Variants in CLIC5 observed in about 807,000 individuals in gnomAD.
CLIC5 encodes chloride intracellular channel protein 5.
In CLIC5, 20 loss-of-function variants were observed where a neutral mutation model predicts 24.7. That is an observed-to-expected ratio of 0.81 (90% CI 0.57 to 1.18). The LOEUF is 1.18. Ranked by LOEUF, CLIC5 falls within the 50% of genes most tolerant of loss-of-function variation. The pLI is 0.00. For synonymous variants in CLIC5, 159 were observed against 135.6 expected (o/e 1.17, Z -1.20); for missense variants, 341 against 326.1 (o/e 1.05, Z -0.35).
At chr6:45,978,275 T>C (rs537218750) in intron 1 of CLIC5, among the ~76,000 whole-genome samples, 2 of 152,312 alleles carry the variant, frequency 1.3e-5, no homozygotes, top group East Asian at 1.9e-4. Context: ...GTGCTTTCCA[T>C]ATCCGAGAAC....
At chr6:45,923,796 G>A (rs989826861) in intron 4 of CLIC5, among the ~76,000 whole-genome samples, 3 of 152,204 alleles carry the variant, frequency 2.0e-5, no homozygotes, top group Non-Finnish European at 4.4e-5. Context: ...ATATTAAATA[G>A]TGGATTATAT....
At chr6:46,026,840 T>G (rs550522278) in intron 1 of CLIC5, among the ~76,000 whole-genome samples, 3 of 152,114 alleles carry the variant, frequency 2.0e-5, no homozygotes, top group African/African-American at 7.2e-5. Context: ...AAAATACAAT[T>G]GAAATAAAGC....
intron 1 of CLIC5, among the ~76,000 whole-genome samples, chr6:45,988,079 A>T (rs186619308): frequency 7.7e-4 from 117 of 152,330 alleles, no homozygotes; most frequent in Middle Eastern, 3.4e-3. Flanking sequence ...GGTAAGGGTG[A>T]GGCCTGAGGT....
the CLIC5 span, among the ~76,000 whole-genome samples, chr6:46,100,735 A>G: frequency 6.6e-6 from 1 of 152,232 alleles, no homozygotes; most frequent in East Asian, 1.9e-4. Context: ...GGGCCAAGGG[A>G]AAACTTCCAC....
chr6:46,059,879 A>G (rs1325540992), intron 1 of CLIC5, among the ~76,000 whole-genome samples: 2 of 152,124 alleles, frequency 1.3e-5, no homozygotes, highest in Non-Finnish European at 2.9e-5. Flanking sequence ...TGCTCAATAA[A>G]TGTTTGGTCA....
chr6:46,073,403 T>C (rs1762674327), intron 1 of CLIC5, among the ~76,000 whole-genome samples: 1 of 152,122 alleles, frequency 6.6e-6, no homozygotes, highest in African/African-American at 2.4e-5. Context: ...TCCACGAAAA[T>C]TGGTTTATAT....
intron 1 of CLIC5, among the ~76,000 whole-genome samples, chr6:46,061,896 C>T (rs1214524363): frequency 1.3e-5 from 2 of 152,030 alleles, no homozygotes; most frequent in South Asian, 2.1e-4. Flanking sequence ...GAATAAAGAC[C>T]CAGGGAAGAG....
chr6:46,000,855 G>A lies in CLIC5; in HGVS notation c.63+14625C>T, dbSNP rs150710751. ...CAATTCAAGGTGAGATTTGGGTGGG[G>A]ATGCAGAGCCAAACCATATCACAGA... is the stretch of plus-strand genomic sequence containing the variant. On this transcript the variant is annotated intron_variant, in intron 1 of 5. Transcript: ENST00000339561. Among the ~76,000 whole-genome samples the A allele has an allele frequency of 2.6e-3, 391 of 152,224 alleles. 2 individuals are homozygous for A. Among genetic ancestry groups the A allele is most frequent in the African/African-American group, 9.1e-3 (379 of 41,526 alleles).
intron 2 of CLIC5, among the ~76,000 whole-genome samples, chr6:45,950,094 C>G (rs879825346): frequency 1.3e-5 from 2 of 152,132 alleles, no homozygotes; most frequent in Non-Finnish European, 2.9e-5. Flanking sequence ...TCCACAAACA[C>G]CAGGTAGGCT....
chr6:45,920,282 T>C (rs1485035940), intron 4 of CLIC5: 1 of 984,662 alleles, frequency 1.0e-6, no homozygotes, highest in Non-Finnish European at 1.2e-6. Flanking sequence ...CAACTCTGCC[T>C]GTACTAGGGG....
chr6:45,936,912 G>C (rs1346539665), intron 4 of CLIC5, among the ~76,000 whole-genome samples: 1 of 152,156 alleles, frequency 6.6e-6, no homozygotes, highest in Non-Finnish European at 1.5e-5. Context: ...TAAGTGAAGT[G>C]AAGAGCAGGT....
At chr6:46,035,039 A>C (rs1251495277) in intron 1 of CLIC5, among the ~76,000 whole-genome samples, 3 of 152,232 alleles carry the variant, frequency 2.0e-5, no homozygotes, top group Non-Finnish European at 4.4e-5. Context: ...GGTGCCTGAC[A>C]CATTAAAAAG....
upstream of CLIC5, among the ~76,000 whole-genome samples, chr6:46,019,983 A>C: frequency 6.6e-6 from 1 of 152,080 alleles, no homozygotes; most frequent in East Asian, 1.9e-4. Flanking sequence ...TAGAGACTTC[A>C]GTTCTCCTCT....
chr6:46,124,637 G>GC, the CLIC5 span, among the ~76,000 whole-genome samples: 3 of 152,166 alleles, frequency 2.0e-5, no homozygotes, highest in Non-Finnish European at 4.4e-5. Flanking sequence ...GAGTGAATGG[G>GC]CAACCTACAG....
At chr6:46,127,094 T>A in the CLIC5 span, among the ~76,000 whole-genome samples, 1 of 152,230 alleles carries the variant, frequency 6.6e-6, no homozygotes, top group Non-Finnish European at 1.5e-5. Flanking sequence ...ACTTAGTTTT[T>A]GTGTATTGAT....
At chr6:45,887,213 G>A (rs1377126201) in intron 6 of CLIC5, among the ~76,000 whole-genome samples, 1 of 152,136 alleles carries the variant, frequency 6.6e-6, no homozygotes, top group Non-Finnish European at 1.5e-5. Flanking sequence ...GAGTGGCTTG[G>A]GAAAACCAAT....
chr6:46,005,774 A>C (rs2022419), intron 1 of CLIC5, among the ~76,000 whole-genome samples: 100,566 of 151,328 alleles, frequency 0.66, 33,809 homozygotes, highest in South Asian at 0.8. Flanking sequence ...GAATAGAGTT[A>C]TCCTCCTCCA....
At chr6:46,100,701 T>G in the CLIC5 span, among the ~76,000 whole-genome samples, 1 of 152,124 alleles carries the variant, frequency 6.6e-6, no homozygotes, top group Non-Finnish European at 1.5e-5. Context: ...TGTAAGAAAT[T>G]AAGGCAATAT....
At chr6:46,080,222 G>C (rs1481218829) in exon 1 of CLIC5, 2 of 1,550,936 alleles carry the variant, frequency 1.3e-6, no homozygotes, top group African/African-American at 1.4e-5. Context: ...CATAGATGGT[G>C]CTGTAGTCTT....
Sources: gnomAD v4.1 joint callset for allele counts (sites outside exome capture counted in the v4.1 genomes callset) on GRCh38, gnomAD v4.1.1 for gene constraint, MANE v1.5 for transcripts, NCBI Gene and HGNC (gene_info 2026-07-23, HGNC 2026-07-21) for gene names.